The following CDH18 variants were observed in gnomAD, a reference collection of about 807,000 sequenced individuals.
CDH18 encodes cadherin-18.
A neutral mutation model predicts 67.9 loss-of-function variants in CDH18; 31 were observed. The ratio of observed to expected loss-of-function variants is 0.46; its 90% CI spans 0.34 to 0.62. The LOEUF is 0.62. Ranked by LOEUF, CDH18 falls within the 20% of genes least tolerant of loss-of-function variation. The probability of loss-of-function intolerance (pLI) is 0.01; values close to 1 mark genes in which losing one functional copy is unlikely to be tolerated. For synonymous variants in CDH18, 362 were observed against 347.2 expected (o/e 1.04, Z -0.48); for missense variants, 890 against 975.5 (o/e 0.91, Z 1.17).
chr5:19,597,286 C>G (rs550083436), intron 6 of CDH18, among the ~76,000 whole-genome samples: 1 of 152,278 alleles, frequency 6.6e-6, no homozygotes, highest in Non-Finnish European at 1.5e-5. Flanking sequence ...TAAGCATGAA[C>G]CAAAGGCACT....
In CDH18 at chr5:20,226,826, G is replaced by A. The variant is rs75828064; in HGVS notation, c.-518+28618C>T. 6.0e-3 allele frequency among the ~76,000 whole-genome samples: 916 copies of A among 152,014 alleles called. 12 individuals carry two copies. The highest frequency in any genetic ancestry group is 0.021 in the African/African-American group (876 of 41,464). Reference sequence around the variant, plus strand: ...GTTTAAGTGTCAGCAGAGGAGCAGAGGAGACAAGGCACTTCTCCATACACA... The same window carrying A: ...GTTTAAGTGTCAGCAGAGGAGCAGAAGAGACAAGGCACTTCTCCATACACA... On this transcript the variant is annotated intron_variant, in intron 2 of 14. Coordinates refer to the CDH18 transcript ENST00000507958.
chr5:20,342,077 G>C (rs1416430543), intron 1 of CDH18, among the ~76,000 whole-genome samples: 1 of 152,152 alleles, frequency 6.6e-6, no homozygotes, highest in Admixed American at 6.5e-5. Context: ...CTCCTGGAGA[G>C]AAAGAGCTGA....
rs73766068 is a variant in CDH18 at position 20,438,218 on chromosome 5, C to A, written c.-580+137244G>T. Among the ~76,000 whole-genome samples, 287 of 144,996 alleles carry A rather than the reference C, an allele frequency of 2.0e-3. 5 individuals are homozygous for A. Among genetic ancestry groups the A allele is most frequent in the African/African-American group, 7.0e-3 (277 of 39,676 alleles). On this transcript the variant is annotated intron_variant, in intron 1 of 14. Transcript: ENST00000507958. ...TGAATTTTGTATAGAGTCAGACTTT[C>A]TTGCCCCTGCCCCCAAATTATATAT...
intron 1 of CDH18, among the ~76,000 whole-genome samples, chr5:20,414,894 C>A (rs1747156952): frequency 6.6e-6 from 1 of 152,054 alleles, no homozygotes; most frequent in Non-Finnish European, 1.5e-5. Flanking sequence ...GGTGATAATG[C>A]AAAATGGTGT....
intron 2 of CDH18, among the ~76,000 whole-genome samples, chr5:20,032,199 C>T (rs992841221): frequency 1.6e-4 from 24 of 150,950 alleles, no homozygotes; most frequent in African/African-American, 5.4e-4. Context: ...TATATGTATG[C>T]ATGTGTATGT....
At chr5:19,595,621 T>G (rs992192077) in intron 6 of CDH18, among the ~76,000 whole-genome samples, 1 of 152,126 alleles carries the variant, frequency 6.6e-6, no homozygotes, top group Non-Finnish European at 1.5e-5. Context: ...AGACTCCATC[T>G]CAAAAATAAA....
intron 3 of CDH18, among the ~76,000 whole-genome samples, chr5:19,831,693 G>A (rs1781045817): frequency 6.6e-6 from 1 of 151,998 alleles, no homozygotes; most frequent in South Asian, 2.1e-4. Context: ...GCAGGTTAGA[G>A]ATTTCTCAAA....
At chr5:20,284,086 A>G (rs1746495429) in intron 1 of CDH18, among the ~76,000 whole-genome samples, 2 of 151,980 alleles carry the variant, frequency 1.3e-5, no homozygotes, top group Admixed American at 1.3e-4. Flanking sequence ...GTAGAATGAT[A>G]GTTACCAGGG....
intron 5 of CDH18, among the ~76,000 whole-genome samples, chr5:19,636,744 T>C (rs1285579784): frequency 6.6e-6 from 1 of 152,070 alleles, no homozygotes; most frequent in East Asian, 1.9e-4. Context: ...ATCAGAATTT[T>C]CTCATGCTAT....
chr5:19,737,193 A>G (rs1229178248), intron 4 of CDH18, among the ~76,000 whole-genome samples: 1 of 151,918 alleles, frequency 6.6e-6, no homozygotes, highest in Non-Finnish European at 1.5e-5. Flanking sequence ...ATACCTGACC[A>G]TTGTGCATTC....
chr5:19,681,748 G>A (rs192824351), intron 5 of CDH18, among the ~76,000 whole-genome samples: 116 of 151,770 alleles, frequency 7.6e-4, no homozygotes, highest in African/African-American at 2.6e-3. Flanking sequence ...CACTTACTGT[G>A]CTGCATCATA....
At chr5:20,392,679 A>G (rs1309162274) in intron 1 of CDH18, among the ~76,000 whole-genome samples, 1 of 151,962 alleles carries the variant, frequency 6.6e-6, no homozygotes, top group Admixed American at 6.6e-5. Context: ...AGTCTAATGC[A>G]GTGCTTTCAA....
intron 2 of CDH18, among the ~76,000 whole-genome samples, chr5:20,031,246 T>C (rs964054690): frequency 4.6e-5 from 7 of 152,120 alleles, no homozygotes; most frequent in East Asian, 1.9e-4. Context: ...TGGATTATTA[T>C]GATGAATTTC....
chr5:20,067,674 TA>T (rs908262081), intron 2 of CDH18, among the ~76,000 whole-genome samples: 1 of 152,108 alleles, frequency 6.6e-6, no homozygotes, highest in African/African-American at 2.4e-5. Flanking sequence ...TGATTTTAAT[TA>T]AATGAAAGTC....
intron 7 of CDH18, among the ~76,000 whole-genome samples, chr5:19,581,288 CTCTT>C (rs1483786727): frequency 6.6e-6 from 1 of 151,898 alleles, no homozygotes; most frequent in South Asian, 2.1e-4. Flanking sequence ...CATATCATTG[CTCTT>C]TCTAACTTGT....
intron 2 of CDH18, among the ~76,000 whole-genome samples, chr5:20,174,738 T>G (rs1721022388): frequency 6.6e-6 from 1 of 152,216 alleles, no homozygotes. Context: ...GTAAATATGA[T>G]CCCATTATAA....
intron 1 of CDH18, among the ~76,000 whole-genome samples, chr5:20,462,703 T>C (rs1281861687): frequency 6.6e-6 from 1 of 152,160 alleles, no homozygotes; most frequent in Non-Finnish European, 1.5e-5. Context: ...AGAATTTTGT[T>C]TGCATTAATA....
chr5:19,904,848 C>T (rs1339335534), intron 2 of CDH18, among the ~76,000 whole-genome samples: 4 of 152,078 alleles, frequency 2.6e-5, no homozygotes, highest in African/African-American at 4.8e-5. Flanking sequence ...GAGGAAGGTC[C>T]TTAATTTCTT....
intron 2 of CDH18, among the ~76,000 whole-genome samples, chr5:20,141,711 G>C (rs1750252436): frequency 6.6e-6 from 1 of 152,044 alleles, no homozygotes; most frequent in African/African-American, 2.4e-5. Context: ...AAATTACATG[G>C]GGACATGACT....
Sources: allele counts gnomAD v4.1 joint callset (sites outside exome capture counted in the v4.1 genomes callset), GRCh38; gene constraint gnomAD v4.1.1; transcripts MANE v1.5; gene names NCBI Gene and HGNC (gene_info 2026-07-23, HGNC 2026-07-21).